The following RALY variants were observed in gnomAD, a reference collection of about 807,000 sequenced individuals.
RALY encodes RNA-binding protein Raly.
Under a neutral mutation model 30.7 loss-of-function variants are expected in RALY, and 15 were observed. The ratio of observed to expected loss-of-function variants is 0.49; its 90% CI spans 0.33 to 0.75. The LOEUF (loss-of-function observed/expected upper bound fraction) is 0.75, where lower values mean the gene tolerates loss of function less well. Among genes scored for constraint, RALY ranks in the 30% least tolerant of loss-of-function variants. RALY has a pLI of 0.02. For missense variants in RALY, 339 were observed against 414.3 expected, an observed-to-expected ratio of 0.82 and a Z score of 1.58; for synonymous variants, 177 against 170.8, an observed-to-expected ratio of 1.04 and a Z score of -0.28.
At chr20:34,058,793 C>G (rs1292722693) in intron 2 of RALY, among the ~76,000 whole-genome samples, 1 of 152,174 alleles carries the variant, frequency 6.6e-6, no homozygotes, top group Non-Finnish European at 1.5e-5. Flanking sequence ...TATAACCACT[C>G]AGAGGATTGT....
At chr20:33,995,417 TA>T (rs779254487) in intron 1 of RALY, among the ~76,000 whole-genome samples, 1 of 152,196 alleles carries the variant, frequency 6.6e-6, no homozygotes, top group Non-Finnish European at 1.5e-5. Flanking sequence ...TGATGGGGGT[TA>T]GGGGGAGTAG....
chr20:34,000,974 G>C (rs2030888091), intron 1 of RALY, among the ~76,000 whole-genome samples: 1 of 152,332 alleles, frequency 6.6e-6, no homozygotes, highest in African/African-American at 2.4e-5. Context: ...AGTGGCTTGA[G>C]AATTTATCTC....
chr20:34,034,287 G>A (rs1419986031), intron 2 of RALY, among the ~76,000 whole-genome samples: 3 of 152,040 alleles, frequency 2.0e-5, no homozygotes, highest in South Asian at 2.1e-4. Flanking sequence ...CATTCTCTTC[G>A]CACTGTGTTT....
rs567580838 is a variant in RALY at position 34,081,775 on chromosome 20, G to A, written c.*1870G>A. The A allele has an allele frequency of 1.3e-5, 2 of 152,380 alleles. No individual in the cohort carries two copies. The highest frequency in any genetic ancestry group is 4.1e-4 in the South Asian group (2 of 4,832). The allele number at this position is 152,380 out of a possible 1,614,324, so 9.4% of individuals were successfully genotyped here. The stretch of plus-strand genomic sequence containing the variant: ...CTTTGATATTCCCAAGCTCTGCTGG[G>A]GCCTGACTAGGCCAGCCCCAAGGTG... On this transcript the variant is annotated 3_prime_UTR_variant, in exon 10 of 10. Transcript: ENST00000246194.
intron 1 of RALY, among the ~76,000 whole-genome samples, chr20:34,004,426 T>C (rs1286051612): frequency 6.6e-6 from 1 of 152,204 alleles, no homozygotes; most frequent in Non-Finnish European, 1.5e-5. Flanking sequence ...TTCCCCCCTT[T>C]TCCAGAAAGA....
chr20:34,078,594 A>G, intron 9 of RALY, 41 bp downstream of exon 9: 1 of 1,489,808 alleles, frequency 6.7e-7, no homozygotes, highest in South Asian at 1.4e-5. Flanking sequence ...GTGGGGAATC[A>G]GTGAAGTGGA....
At chr20:33,998,620 C>T (rs1601391744) in intron 1 of RALY, among the ~76,000 whole-genome samples, 1 of 152,088 alleles carries the variant, frequency 6.6e-6, no homozygotes, top group Non-Finnish European at 1.5e-5. Context: ...AGGAAAGGGC[C>T]TTCTTGCCTG....
intron 1 of RALY, among the ~76,000 whole-genome samples, chr20:34,025,614 C>T (rs1031976430): frequency 6.6e-6 from 1 of 151,844 alleles, no homozygotes; most frequent in African/African-American, 2.4e-5. Flanking sequence ...CAACACCTTT[C>T]GGTCAGTCTT....
rs997086235 is a variant in RALY at position 34,071,065 on chromosome 20, A to G, written c.-9-1001A>G. Among the ~76,000 whole-genome samples the G allele has an allele frequency of 1.2e-4, 19 of 152,274 alleles. 1 individual carries two copies. Among genetic ancestry groups the G allele is most frequent in the East Asian group, 7.7e-4 (4 of 5,176 alleles). On this transcript the variant is annotated intron_variant, in intron 2 of 9. Coordinates refer to ENST00000246194, the MANE Select transcript of RALY (RefSeq NM_016732.3). ...CAGATCTCACGAGCAGTCACTCACTATCATGAGAGCAGCACCAAGGGGGAA... is the reference window on the plus strand; with the variant it reads ...CAGATCTCACGAGCAGTCACTCACTGTCATGAGAGCAGCACCAAGGGGGAA...
At chr20:34,070,206 G>T (rs1601504294) in intron 2 of RALY, among the ~76,000 whole-genome samples, 2 of 152,282 alleles carry the variant, frequency 1.3e-5, no homozygotes, top group South Asian at 4.1e-4. Flanking sequence ...GCTATTTGGA[G>T]TCTTTTATCA....
intron 5 of RALY, 68 bp from the exon 6 acceptor site, chr20:34,075,806 C>T: frequency 1.3e-6 from 2 of 1,507,530 alleles, no homozygotes; most frequent in South Asian, 2.5e-5. Flanking sequence ...ACGTTTGTAG[C>T]CGGAGCTGCA....
intron 1 of RALY, among the ~76,000 whole-genome samples, chr20:34,026,695 A>G (rs1218900789): frequency 6.6e-6 from 1 of 151,946 alleles, no homozygotes; most frequent in Non-Finnish European, 1.5e-5. Context: ...AAACCTGCTC[A>G]GGTGTCTCCT....
At chr20:34,062,282 A>G (rs570376958) in intron 2 of RALY, among the ~76,000 whole-genome samples, 2 of 152,284 alleles carry the variant, frequency 1.3e-5, no homozygotes, top group African/African-American at 2.4e-5. Flanking sequence ...AACATCCTAC[A>G]TACTTTATTC....
intron 2 of RALY, among the ~76,000 whole-genome samples, chr20:34,042,178 G>C (rs2032725273): frequency 6.6e-6 from 1 of 152,092 alleles, no homozygotes; most frequent in Admixed American, 6.6e-5. Context: ...GCAGCAGCAA[G>C]AGGCCTAGTA....
At chr20:33,996,048 C>A (rs1252881485) in intron 1 of RALY, among the ~76,000 whole-genome samples, 1 of 152,148 alleles carries the variant, frequency 6.6e-6, no homozygotes, top group Non-Finnish European at 1.5e-5. Context: ...GTCACCACTT[C>A]GGTTTTATGT....
At chr20:34,003,882 G>A (rs1159903799) in intron 1 of RALY, among the ~76,000 whole-genome samples, 4 of 152,076 alleles carry the variant, frequency 2.6e-5, no homozygotes, top group East Asian at 3.9e-4. Context: ...CTCGTGATCC[G>A]CCCGCCTCCG....
At chr20:34,013,877 TTATAG>T (rs1283853194) in intron 1 of RALY, among the ~76,000 whole-genome samples, 11 of 152,194 alleles carry the variant, frequency 7.2e-5, no homozygotes, top group South Asian at 2.1e-4. Flanking sequence ...GCATTGATAC[TTATAG>T]TATAGTTTGG....
At chr20:34,001,762 C>T (rs1331857754) in intron 1 of RALY, among the ~76,000 whole-genome samples, 5 of 152,098 alleles carry the variant, frequency 3.3e-5, no homozygotes, top group Non-Finnish European at 5.9e-5. Flanking sequence ...ACTGAGAAAT[C>T]GAATGTTGTT....
At chr20:34,061,959 CTT>C (rs1003846616) in intron 2 of RALY, among the ~76,000 whole-genome samples, 1 of 152,206 alleles carries the variant, frequency 6.6e-6, no homozygotes, top group Admixed American at 6.5e-5. Flanking sequence ...CCCTAACTTA[CTT>C]TGTTACCTTG....
Sources: gnomAD v4.1 joint callset for allele counts (sites outside exome capture counted in the v4.1 genomes callset) on GRCh38, gnomAD v4.1.1 for gene constraint, MANE v1.5 for transcripts, NCBI Gene and HGNC (gene_info 2026-07-23, HGNC 2026-07-21) for gene names.